PLCG1: variants seen among roughly 807,000 people sequenced by gnomAD.
The protein encoded by PLCG1 is 1-phosphatidylinositol 4,5-bisphosphate phosphodiesterase gamma-1.
Under a neutral mutation model 177.8 loss-of-function variants are expected in PLCG1, and 71 were observed. That is an observed-to-expected ratio of 0.40 (90% CI 0.33 to 0.49). The LOEUF is 0.49. PLCG1 is among the 20% of genes least tolerant of loss of function. The pLI, the probability that PLCG1 is intolerant of heterozygous loss-of-function variation, is 0.72. For missense variants in PLCG1, 1,281 were observed against 1,709.0 expected (o/e 0.75, Z 4.42); for synonymous variants, 658 against 647.9 (o/e 1.02, Z -0.24).
At chr20:41,170,047 G>T in intron 23 of PLCG1, 65 bp from the exon 24 acceptor site, 1 of 1,426,950 alleles carries the variant, frequency 7.0e-7, no homozygotes, top group Non-Finnish European at 9.7e-7. Flanking sequence ...AGTGCCTGCG[G>T]TGTGGAGTGG....
Position 41,150,186 on chromosome 20 carries a change from G to T in PLCG1, c.218-9420G>T, listed in dbSNP as rs1197920526. On this transcript the variant is annotated intron_variant, in intron 1 of 31. Transcript: ENST00000685551. This position sits in a 1 kb window ranked among gnomAD's most constrained non-coding sequence, Gnocchi z 4.0. The stretch of plus-strand genomic sequence containing the variant: ...GCCTGGACAACAGAGTGACTTATGG[G>T]CCAGGCATGGTGGCTCACACCTGTA... Among the ~76,000 whole-genome samples, 1 of 152,136 alleles carries T rather than the reference G, an allele frequency of 6.6e-6. No individual in the cohort carries two copies. Among genetic ancestry groups the T allele is most frequent in the Admixed American group, 6.5e-5 (1 of 15,282 alleles).
intron 1 of PLCG1, among the ~76,000 whole-genome samples, chr20:41,154,272 T>A (rs988230321): frequency 6.6e-6 from 1 of 152,216 alleles, no homozygotes; most frequent in African/African-American, 2.4e-5. Flanking sequence ...TGGAAGTGGC[T>A]TTTTTGAGCA....
In PLCG1 at chr20:41,163,132, G is replaced by C; in HGVS notation, c.717-71G>C. The C allele has an allele frequency of 6.6e-7, 1 of 1,504,798 alleles. No homozygotes were observed. The highest frequency in any genetic ancestry group is 1.4e-5 in the African/African-American group (1 of 72,494). The allele number at this position is 1,504,798 out of a possible 1,614,324, so 93.2% of individuals were successfully genotyped here. ...TGGGAAGCTGTGCTGGCTGGGAGTT[G>C]GGTTCTGCCTTCCGTGGGGCACCTT... On this transcript the variant is annotated intron_variant, in intron 7 of 31. Coordinates refer to ENST00000685551, the MANE Select transcript of PLCG1 (RefSeq NM_002660.3). This position sits in a 1 kb window ranked among gnomAD's most constrained non-coding sequence, Gnocchi z 5.2.
In PLCG1 at chr20:41,147,077, A is replaced by G. The variant is rs574895332; in HGVS notation, c.217+9219A>G. Among the ~76,000 whole-genome samples the G allele has an allele frequency of 3.3e-5, 5 of 152,222 alleles. No homozygotes were observed. Among genetic ancestry groups the G allele is most frequent in the Admixed American group, 6.5e-5 (1 of 15,296 alleles). ...TGAAGACCCACTTTATGGTCACCCT[A>G]TTCTGCCTGATAGTCCACCACCTGT... On this transcript the variant is annotated intron_variant, in intron 1 of 31. Coordinates refer to ENST00000685551, the MANE Select transcript of PLCG1 (RefSeq NM_002660.3). The surrounding 1 kb of genome is among the most constrained non-coding windows in gnomAD (Gnocchi z 4.0).
chr20:41,164,449 A>G lies in PLCG1; in HGVS notation c.1217+248A>G, dbSNP rs901404112. On this transcript the variant is annotated intron_variant, in intron 12 of 31. Transcript: ENST00000685551. The surrounding 1 kb of genome is among the most constrained non-coding windows in gnomAD (Gnocchi z 6.4). ...ATGGGTCCTTTAGACTGTAGAACAC[A>G]TGCTCTTCTCATCTTCAGAAAACAT... Among the ~76,000 whole-genome samples, 1 of 152,048 alleles carries G rather than the reference A, an allele frequency of 6.6e-6. No homozygotes were observed. Among genetic ancestry groups the G allele is most frequent in the Admixed American group, 6.6e-5 (1 of 15,266 alleles).
In PLCG1 at chr20:41,173,663, C is replaced by T. The variant is rs1600679227; in HGVS notation, c.3406C>T (p.Leu1136Phe). The change falls in exon 29 of 32, where the codon CTC (leucine) becomes TTC (phenylalanine). Residue 1136 changes from leucine (L) to phenylalanine (F), a missense_variant. Transcript: ENST00000685551. This position sits in a 1 kb window ranked among gnomAD's most constrained non-coding sequence, Gnocchi z 6.2. ...QKTEFVVDNG[L>F]NPVWPAKPFH... ...CGTTGCCTTCACAGTGGACAATGGACTCAACCCTGTATGGCCAGCCAAGCC... is the reference window on the plus strand; with the variant it reads ...CGTTGCCTTCACAGTGGACAATGGATTCAACCCTGTATGGCCAGCCAAGCC... The T allele has an allele frequency of 6.2e-7, 1 of 1,614,220 alleles. No individual in the cohort carries two copies. The highest frequency in any genetic ancestry group is 8.5e-7 in the Non-Finnish European group (1 of 1,180,034).
rs370225921 is a variant in PLCG1, at chr20:41,167,830, T to G, written c.2302-22T>G. The G allele has an allele frequency of 5.8e-6, 9 of 1,556,374 alleles. No homozygotes were observed. The highest frequency in any genetic ancestry group is 8.0e-6 in the Non-Finnish European group (9 of 1,127,674). On this transcript the variant is annotated intron_variant, in intron 19 of 31. Coordinates refer to ENST00000685551, the MANE Select transcript of PLCG1 (RefSeq NM_002660.3). This position sits in a 1 kb window ranked among gnomAD's most constrained non-coding sequence, Gnocchi z 4.4. ...CTCTGGGCTCTGGGGCATTAACATA[T>G]CCCATTGTGTCCTGTTTCCAGGAGC... is the stretch of plus-strand genomic sequence containing the variant.
Position 41,166,195 on chromosome 20 carries a change from C to G in PLCG1, c.1801C>G (p.Arg601Gly). Residue 601 changes from arginine to glycine, a missense_variant and splice_region_variant, in exon 17 of 32, where the codon CGG becomes GGG. By Grantham distance (125) the Arg-to-Gly change is moderately radical. Transcript: ENST00000685551. This position sits in a 1 kb window ranked among gnomAD's most constrained non-coding sequence, Gnocchi z 8.6. ...TCCCTCACTCTGTGTCTTCCACAGG[C>G]GGAACGGGAAAGTCCAGCACTGCCG... ...FVGDYTLSFW[R>G]NGKVQHCRIH... 1 of 1,612,316 alleles carries G rather than the reference C, an allele frequency of 6.2e-7. No individual in the cohort carries two copies. Among genetic ancestry groups the G allele is most frequent in the Non-Finnish European group, 8.5e-7 (1 of 1,179,694 alleles).
In PLCG1 at chr20:41,137,854, G is replaced by T; in HGVS notation, c.213G>T (p.Gly71=). ...TWSRGADKIE[G]AIDIREIKEI... ...GCCGGGGCGCCGACAAGATCGAGGG[G>T]GCCAGTAAGTGCGCCCACTTCCTGC... is the stretch of plus-strand genomic sequence containing the variant. Residue 71 remains glycine, a synonymous_variant, in exon 1 of 32, where the codon GGG becomes GGT. Coordinates refer to ENST00000685551, the MANE Select transcript of PLCG1 (RefSeq NM_002660.3). This position sits in a 1 kb window ranked among gnomAD's most constrained non-coding sequence, Gnocchi z 7.3. The T allele has an allele frequency of 7.8e-7, 1 of 1,282,060 alleles. No homozygotes were observed. Among genetic ancestry groups the T allele is most frequent in the Non-Finnish European group, 9.9e-7 (1 of 1,007,170 alleles). 79.4% of individuals were successfully genotyped at this position (1,282,060 alleles called of 1,614,324 possible).
At position 41,162,533 on chromosome 20, in the gene PLCG1, G is replaced by A; in HGVS notation, c.594G>A (p.Leu198=). 6.2e-7 allele frequency: 1 copy of A among 1,613,888 alleles called. No homozygotes were observed. The highest frequency in any genetic ancestry group is 8.5e-7 in the Non-Finnish European group (1 of 1,179,880). The change falls in exon 5 of 32, where the codon CTG becomes CTA. Residue 198 remains leucine (L), a synonymous_variant. Transcript: ENST00000685551. The part of the protein sequence containing the change: ...VPNMRFLRER[L]TDLEQRSGDI... ...ACATGCGCTTCCTCCGAGAGCGGCTGACGGTAAGTGCCACCCAGGGCTGTC... is the reference window on the plus strand; with the variant it reads ...ACATGCGCTTCCTCCGAGAGCGGCTAACGGTAAGTGCCACCCAGGGCTGTC...
chr20:41,145,786 C>T (rs2146004024), intron 1 of PLCG1, among the ~76,000 whole-genome samples: 1 of 152,270 alleles, frequency 6.6e-6, no homozygotes. Context: ...GAGTTGGTTG[C>T]CTTAAGAGAG....
chr20:41,165,991 C>CT lies in PLCG1; in HGVS notation c.1799+165_1799+166insT. On this transcript the variant is annotated intron_variant, in intron 16 of 31. Transcript: ENST00000685551. This position sits in a 1 kb window ranked among gnomAD's most constrained non-coding sequence, Gnocchi z 6.6. ...ATACACACACACACTCTCTGTCTCA[C>CT]CCCCCCCCCATACCCCTCCCTTTTC... is the stretch of plus-strand genomic sequence containing the variant. 6.7e-6 allele frequency: 2 copies of CT among 297,908 alleles called. No homozygotes were observed. The highest frequency in any genetic ancestry group is 5.7e-5 in the Admixed American group (1 of 17,452). The allele number at this position is 297,908 out of a possible 1,614,324, so 18.5% of individuals were successfully genotyped here. A position where few individuals can be genotyped will look rare whatever the true frequency, so the allele number is the denominator to read the frequency against.
chr20:41,138,271 A>G (rs889364154), intron 1 of PLCG1, among the ~76,000 whole-genome samples: 1 of 151,646 alleles, frequency 6.6e-6, no homozygotes, highest in Non-Finnish European at 1.5e-5. Context: ...CTCTTTATCC[A>G]GAAAGAGCAG....
In PLCG1 at chr20:41,166,662, G is replaced by T; in HGVS notation, c.2121-17G>T. On this transcript the variant is annotated splice_polypyrimidine_tract_variant and intron_variant, in intron 18 of 31. Transcript: ENST00000685551. The surrounding 1 kb of genome is among the most constrained non-coding windows in gnomAD (Gnocchi z 8.6). Reference sequence around the variant, plus strand: ...TGAGCTGCCCTGACCCTGTGTGACTGTTTTGTCCTTGTGAAGGGCTGAGGG... The same window carrying T: ...TGAGCTGCCCTGACCCTGTGTGACTTTTTTGTCCTTGTGAAGGGCTGAGGG... The T allele has an allele frequency of 6.2e-7, 1 of 1,614,128 alleles. No homozygotes were observed. Among genetic ancestry groups the T allele is most frequent in the Non-Finnish European group, 8.5e-7 (1 of 1,180,014 alleles).
At position 41,164,978 on chromosome 20, in the gene PLCG1, G is replaced by A. The variant is rs368683877; in HGVS notation, c.1263G>A (p.Gln421=). 3.6e-5 allele frequency: 58 copies of A among 1,614,216 alleles called. No individual in the cohort carries two copies. The South Asian group carries it at 5.8e-4, about 16-fold the overall frequency. ...LSIEDHCSIA[Q]QRNMAQYFKK... is the part of the protein sequence containing the mutation. The stretch of plus-strand genomic sequence containing the variant: ...TTGAGGACCACTGCAGCATTGCCCA[G>A]CAGAGAAACATGGCCCAATACTTCA... Residue 421 remains glutamine, a synonymous_variant, in exon 13 of 32, where the codon CAG becomes CAA. Transcript: ENST00000685551. The surrounding 1 kb of genome is among the most constrained non-coding windows in gnomAD (Gnocchi z 6.4).
In PLCG1 at chr20:41,152,280, G is replaced by A. The variant is rs1044800277; in HGVS notation, c.218-7326G>A. Among the ~76,000 whole-genome samples the A allele has an allele frequency of 2.0e-5, 3 of 152,238 alleles. 1 individual carries two copies. The highest frequency in any genetic ancestry group is 4.4e-5 in the Non-Finnish European group (3 of 68,038). On this transcript the variant is annotated intron_variant, in intron 1 of 31. Transcript: ENST00000685551. ...TGGTCTTGGCTTCGGGCCCAGCAGG[G>A]CGTGGGTGCTCGGCATCCTGCTGCT...
At chr20:41,161,877 C>T (rs34278197) in intron 4 of PLCG1, among the ~76,000 whole-genome samples, 3,151 of 152,280 alleles carry the variant, frequency 0.021, 60 homozygotes, top group Non-Finnish European at 0.033. Flanking sequence ...TTTCCTGGAG[C>T]CAGGCCCTGT....
chr20:41,164,884 C>A lies in PLCG1; in HGVS notation c.1218-49C>A. ...GCTCACTGTGAGGGGCTACTTAGAC[C>A]CAGAGAATTGCAGAATCTGTTTCAC... On this transcript the variant is annotated intron_variant, in intron 12 of 31. Coordinates refer to ENST00000685551, the MANE Select transcript of PLCG1 (RefSeq NM_002660.3). This position sits in a 1 kb window ranked among gnomAD's most constrained non-coding sequence, Gnocchi z 6.4. 6.3e-7 allele frequency: 1 copy of A among 1,576,352 alleles called. No homozygotes were observed. The highest frequency in any genetic ancestry group is 8.7e-7 in the Non-Finnish European group (1 of 1,154,330).
rs1028369946 is a variant in PLCG1, at chr20:41,168,747, G to C, written c.2380-20G>C. ...CAGGGAGAGCCTTTCTGCTCTGACT[G>C]GTGCTTCTCACCTCTGCAGTGTGCA... On this transcript the variant is annotated intron_variant, in intron 20 of 31. Transcript: ENST00000685551. 2.0e-6 allele frequency: 3 copies of C among 1,497,212 alleles called. No homozygotes were observed. Among genetic ancestry groups the C allele is most frequent in the Non-Finnish European group, 2.8e-6 (3 of 1,078,144 alleles). 92.7% of individuals were successfully genotyped at this position (1,497,212 alleles called of 1,614,324 possible).
Sources: allele counts gnomAD v4.1 joint callset (sites outside exome capture counted in the v4.1 genomes callset), GRCh38; gene constraint gnomAD v4.1.1; non-coding constraint Gnocchi (gnomAD v3.1); transcripts MANE v1.5; gene names NCBI Gene and HGNC (gene_info 2026-07-23, HGNC 2026-07-21).